The following DCLK3 variants were observed in gnomAD, a reference collection of about 807,000 sequenced individuals.
DCLK3 encodes serine/threonine-protein kinase DCLK3.
DCLK3 carries 30 observed loss-of-function variants against 46.4 expected under a neutral mutation model. That is an observed-to-expected ratio of 0.65 (90% confidence interval 0.48 to 0.88). The LOEUF (loss-of-function observed/expected upper bound fraction) is 0.88, where lower values mean the gene tolerates loss of function less well. Among genes scored for constraint, DCLK3 ranks in the 40% least tolerant of loss-of-function variants. DCLK3 has a pLI of 0.00. For missense variants in DCLK3, 846 were observed against 907.1 expected, an observed-to-expected ratio of 0.93 and a Z score of 0.87; for synonymous variants, 401 against 339.2, an observed-to-expected ratio of 1.18 and a Z score of -2.00.
chr3:36,748,325 A>G (rs1430805458), intron 1 of DCLK3, among the ~76,000 whole-genome samples: 1 of 152,188 alleles, frequency 6.6e-6, no homozygotes, highest in African/African-American at 2.4e-5. Flanking sequence ...AGCTGGTTTA[A>G]GTGTTGTTGG....
At chr3:36,757,664 T>C (rs1701497920) in intron 1 of DCLK3, among the ~76,000 whole-genome samples, 3 of 152,084 alleles carry the variant, frequency 2.0e-5, no homozygotes, top group Admixed American at 2.0e-4. Flanking sequence ...CAGAAACTGG[T>C]TCAGGAAAAG....
chr3:36,738,623 C>A lies in DCLK3; in HGVS notation c.544G>T (p.Val182Leu). Residue 182 changes from valine to leucine, a missense_variant, in exon 2 of 5, where the codon GTG (valine) becomes TTG (leucine). By Grantham distance (32) the Val-to-Leu change is conservative. This residue lies in a region of DCLK3 where 553 missense variants were observed against 543.0 expected (regional missense o/e 1.02). Coordinates refer to ENST00000636136, the MANE Select transcript of DCLK3 (RefSeq NM_001394672.2). ...KEPLTLKSIQVAVEELYPNKA... is the reference protein window; with the variant it reads ...KEPLTLKSIQLAVEELYPNKA... ...TTGGGGTACAGTTCTTCTACAGCCA[C>A]CTGAATGCTCTTCAGTGTCAGTGGT... The A allele has an allele frequency of 2.9e-6, 4 of 1,362,490 alleles. No individual in the cohort carries two copies. The highest frequency in any genetic ancestry group is 3.8e-6 in the Non-Finnish European group (4 of 1,051,220). The allele number at this position is 1,362,490 out of a possible 1,614,324, so 84.4% of individuals were successfully genotyped here.
chr3:36,763,655 G>C (rs1701558302), intron 1 of DCLK3, among the ~76,000 whole-genome samples: 1 of 152,204 alleles, frequency 6.6e-6, no homozygotes, highest in Non-Finnish European at 1.5e-5. Flanking sequence ...CGCTGCTATG[G>C]AGCCGTGTGA....
At chr3:36,723,093 T>C (rs1422697284) in intron 2 of DCLK3, among the ~76,000 whole-genome samples, 1 of 152,154 alleles carries the variant, frequency 6.6e-6, no homozygotes, top group Non-Finnish European at 1.5e-5. Context: ...ACTGAGGTGG[T>C]CTCAGATGGA....
intron 1 of DCLK3, among the ~76,000 whole-genome samples, chr3:36,751,977 T>C (rs906478): frequency 0.81 from 122,743 of 152,178 alleles, 49,788 homozygotes; most frequent in Middle Eastern, 0.88. Context: ...GCTACACAGC[T>C]GTCAACATTC....
intron 2 of DCLK3, among the ~76,000 whole-genome samples, chr3:36,729,413 C>T (rs887885876): frequency 3.3e-5 from 5 of 152,146 alleles, no homozygotes; most frequent in African/African-American, 1.2e-4. Context: ...TAAGAGGTTG[C>T]TTTACATGGC....
intron 4 of DCLK3, among the ~76,000 whole-genome samples, chr3:36,717,068 A>G (rs997278448): frequency 3.3e-5 from 5 of 152,222 alleles, no homozygotes; most frequent in Admixed American, 2.0e-4. Flanking sequence ...AAAATTCAAT[A>G]GCATGTTTAG....
At chr3:36,734,432 C>T (rs551426457) in intron 2 of DCLK3, among the ~76,000 whole-genome samples, 1 of 152,238 alleles carries the variant, frequency 6.6e-6, no homozygotes, top group African/African-American at 2.4e-5. Context: ...AATATATTAA[C>T]CTATTCCACA....
In DCLK3 at chr3:36,738,664, A is replaced by G. The variant is rs1701305492; in HGVS notation, c.503T>C (p.Ile168Thr). Residue 168 changes from isoleucine (I) to threonine (T), a missense_variant, in exon 2 of 5, where the codon ATA (isoleucine) becomes ACA (threonine). Physicochemically the swap from Ile to Thr is moderately conservative, Grantham distance 89. Coordinates refer to ENST00000636136, the MANE Select transcript of DCLK3 (RefSeq NM_001394672.2). The part of the protein sequence containing the change: ...SDFFREGDAF[I>T]AMGKEPLTLK... ...TGTCAGTGGTTCTTTGCCCATAGCT[A>G]TGAAAGCATCCCCTTCCCTGAAGAA... 2 of 1,329,642 alleles carry G rather than the reference A, an allele frequency of 1.5e-6. No homozygotes were observed. Among genetic ancestry groups the G allele is most frequent in the South Asian group, 5.8e-5 (2 of 34,372 alleles). 82.4% of individuals were successfully genotyped at this position (1,329,642 alleles called of 1,614,324 possible). A position where few individuals can be genotyped will look rare whatever the true frequency, so the allele number is the denominator to read the frequency against.
In DCLK3 at chr3:36,715,178, T is replaced by C; in HGVS notation, c.*150A>G. ...GTGACATTTAACATTGACTTAATTT[T>C]TTTAATATGCTTTAAAATATACTCA... On this transcript the variant is annotated 3_prime_UTR_variant, in exon 5 of 5. Transcript: ENST00000636136. The C allele has an allele frequency of 2.3e-6, 2 of 866,134 alleles. No individual in the cohort carries two copies. Among genetic ancestry groups the C allele is most frequent in the Non-Finnish European group, 3.3e-6 (2 of 603,488 alleles). 53.7% of individuals were successfully genotyped at this position (866,134 alleles called of 1,614,324 possible).
In DCLK3 at chr3:36,745,185, T is replaced by C. The variant is rs146016401; in HGVS notation, c.83-6101A>G. On this transcript the variant is annotated intron_variant, in intron 1 of 4. Transcript: ENST00000636136. ...ATCAAGTTTAGCATCAAGAAAAAAA[T>C]AAAAGATTTCTCTTTTATATTGTCT... Among the ~76,000 whole-genome samples, 108 of 152,276 alleles carry C rather than the reference T, an allele frequency of 7.1e-4. 1 individual carries two copies. The highest frequency in any genetic ancestry group is 2.5e-3 in the African/African-American group (103 of 41,544).
intron 1 of DCLK3, among the ~76,000 whole-genome samples, chr3:36,760,849 T>C (rs1394624987): frequency 6.6e-6 from 1 of 152,246 alleles, no homozygotes; most frequent in Non-Finnish European, 1.5e-5. Context: ...TTTGTAATAA[T>C]ATCTGGTAAT....
At chr3:36,720,504 C>CTTTTTTT (rs34010996) in intron 3 of DCLK3, among the ~76,000 whole-genome samples, 1 of 129,334 alleles carries the variant, frequency 7.7e-6, no homozygotes, top group Non-Finnish European at 1.6e-5. Context: ...ATCTCCTCAT[C>CTTTTTTT]TTTTTTTTTT....
In DCLK3 at chr3:36,713,348, C is replaced by T. The variant is rs891151457; in HGVS notation, c.*1980G>A. 2.0e-5 allele frequency: 3 copies of T among 152,150 alleles called. No homozygotes were observed. Among genetic ancestry groups the T allele is most frequent in the African/African-American group, 7.2e-5 (3 of 41,428 alleles). The allele number at this position is 152,150 out of a possible 1,614,324, so 9.4% of individuals were successfully genotyped here. A position where few individuals can be genotyped will look rare whatever the true frequency, so the allele number is the denominator to read the frequency against. ...AAGTGGTCAATAGGGTCAAGTGATG[C>T]TAATTTGAGGATTGAAAATTCTCTT... On this transcript the variant is annotated 3_prime_UTR_variant, in exon 5 of 5. Coordinates refer to ENST00000636136, the MANE Select transcript of DCLK3 (RefSeq NM_001394672.2).
intron 4 of DCLK3, among the ~76,000 whole-genome samples, chr3:36,717,755 C>T (rs1335938834): frequency 6.6e-6 from 1 of 152,148 alleles, no homozygotes; most frequent in Non-Finnish European, 1.5e-5. Flanking sequence ...TTTTTCTGTT[C>T]TGAGGTTCTT....
Position 36,742,478 on chromosome 3 carries a change from T to G in DCLK3, c.83-3394A>C, listed in dbSNP as rs1044212200. Among the ~76,000 whole-genome samples the G allele has an allele frequency of 3.9e-5, 6 of 152,274 alleles. No individual in the cohort carries two copies. The South Asian group carries it at 1.2e-3, about 32-fold the overall frequency. ...GATGTAAAGAGAGAACAGCTCAGCCTCCATCACACCAACATCAGACATGCT... is the reference window on the plus strand; with the variant it reads ...GATGTAAAGAGAGAACAGCTCAGCCGCCATCACACCAACATCAGACATGCT... On this transcript the variant is annotated intron_variant, in intron 1 of 4. Transcript: ENST00000636136.
In DCLK3 at chr3:36,764,269, G is replaced by T; in HGVS notation, c.-6C>A. On this transcript the variant is annotated 5_prime_UTR_variant, in exon 1 of 5. Coordinates refer to ENST00000636136, the MANE Select transcript of DCLK3 (RefSeq NM_001394672.2). This position sits in a 1 kb window ranked among gnomAD's most constrained non-coding sequence, Gnocchi z 4.9. ...GCTGGAGTGGCGGCGGGCATGGCGC[G>T]GCGGCGGGCTCGGGGAGAGCCTGGA... 1 of 245,914 alleles carries T rather than the reference G, an allele frequency of 4.1e-6. No homozygotes were observed. The highest frequency in any genetic ancestry group is 7.7e-6 in the Non-Finnish European group (1 of 129,748). 15.2% of individuals were successfully genotyped at this position (245,914 alleles called of 1,614,324 possible).
intron 3 of DCLK3, 57 bp from the exon 4 acceptor site, chr3:36,718,234 G>A (rs1701010686): frequency 6.2e-7 from 1 of 1,604,760 alleles, no homozygotes; most frequent in Non-Finnish European, 8.5e-7. Context: ...GGTCAAAGGT[G>A]ATGAAATAAA....
intron 2 of DCLK3, among the ~76,000 whole-genome samples, chr3:36,722,850 C>A (rs1701078802): frequency 6.6e-6 from 1 of 152,128 alleles, no homozygotes. Context: ...ATGTCTTTAT[C>A]AGCAGCATGA....
Sources: gnomAD v4.1 joint callset for allele counts (sites outside exome capture counted in the v4.1 genomes callset) on GRCh38, gnomAD v4.1.1 for gene constraint, gnomAD v4.1.1 regional missense constraint, Gnocchi (gnomAD v3.1) non-coding constraint, MANE v1.5 for transcripts, NCBI Gene and HGNC (gene_info 2026-07-23, HGNC 2026-07-21) for gene names.